Variants in TEX11 observed in about 807,000 individuals in gnomAD.
TEX11 encodes testis expressed 11, also known as testis-expressed protein 11.
Under a neutral mutation model 84.4 loss-of-function variants are expected in TEX11, and 7 were observed. The observed-to-expected ratio is 0.08, with a 90% confidence interval of 0.05 to 0.16. The LOEUF is 0.16. TEX11 is among the 10% of genes least tolerant of loss of function. The probability of loss-of-function intolerance (pLI) is 1.00; values close to 1 mark genes in which losing one functional copy is unlikely to be tolerated. For synonymous variants in TEX11, 264 were observed against 222.8 expected (o/e 1.18, Z -1.64); for missense variants, 551 against 660.5 (o/e 0.83, Z 1.82).
intron 11 of TEX11, among the ~76,000 whole-genome samples, chrX:70,733,905 A>G (rs185082795): frequency 2.7e-5 from 3 of 111,940 alleles, no homozygotes; most frequent in African/African-American, 6.5e-5. Flanking sequence ...GAACCAACCC[A>G]AATGTCCAAC....
chrX:70,777,634 A>G (rs945965120), intron 9 of TEX11, among the ~76,000 whole-genome samples: 2 of 112,011 alleles, frequency 1.8e-5, no homozygotes, highest in Non-Finnish European at 3.8e-5. Flanking sequence ...GGGCACCAAG[A>G]GCAAAACTCC....
chrX:70,817,226 CACAT>C (rs1363897808), intron 8 of TEX11, among the ~76,000 whole-genome samples: 2 of 85,956 alleles, frequency 2.3e-5, no homozygotes, highest in South Asian at 6.7e-4. Flanking sequence ...TATACACATA[CACAT>C]ACACACACAC....
chrX:70,571,464 T>C (rs1237537568), intron 25 of TEX11, among the ~76,000 whole-genome samples: 1 of 112,546 alleles, frequency 8.9e-6, no homozygotes, highest in Admixed American at 9.4e-5. Flanking sequence ...ACCCTTAATC[T>C]TTTCTAATAT....
At chrX:70,610,896 A>G (rs1317383) in intron 20 of TEX11, among the ~76,000 whole-genome samples, 47,649 of 110,821 alleles carry the variant, frequency 0.43, 8,441 homozygotes, top group East Asian at 0.6. Context: ...CTTATTTCAA[A>G]TAAAGTTGTA....
intron 4 of TEX11, among the ~76,000 whole-genome samples, chrX:70,864,513 G>T (rs777900541): frequency 3.7e-5 from 4 of 108,869 alleles, no homozygotes; most frequent in Non-Finnish European, 7.6e-5. Flanking sequence ...CGAGGTGGGC[G>T]GATCACAAGG....
chrX:70,744,798 T>C (rs2090757940), intron 9 of TEX11, among the ~76,000 whole-genome samples: 1 of 109,650 alleles, frequency 9.1e-6, no homozygotes. Context: ...GCAACCTCCA[T>C]CTCCCAAGTT....
At chrX:70,613,551 T>C (rs143610692) in intron 20 of TEX11, among the ~76,000 whole-genome samples, 85 of 112,046 alleles carry the variant, frequency 7.6e-4, no homozygotes, top group African/African-American at 2.6e-3. Flanking sequence ...CGTTGGAATC[T>C]GAATTCCAGC....
chrX:70,679,560 T>TGAGAAGTGAG (rs2090115881), intron 14 of TEX11, among the ~76,000 whole-genome samples: 1 of 107,663 alleles, frequency 9.3e-6, no homozygotes, highest in African/African-American at 3.4e-5. Context: ...CCGCCCCGTC[T>TGAGAAGTGAG]GAGAAGTGAG....
At chrX:70,534,930 C>T (rs980357478) in intron 28 of TEX11, among the ~76,000 whole-genome samples, 1 of 111,254 alleles carries the variant, frequency 9.0e-6, no homozygotes, top group Admixed American at 9.6e-5. Context: ...GCTCCATATT[C>T]CCCCTGCCCC....
At chrX:70,897,679 A>AAAAAGAAAGAAAG (rs1387220767) in intron 2 of TEX11, 3 of 75,740 alleles carry the variant, frequency 4.0e-5, no homozygotes, top group Admixed American at 1.7e-4. Context: ...CAAAGAAAGA[A>AAAAAGAAAGAAAG]AAAGAAAGAA....
chrX:70,548,999 A>AC (rs761753874), intron 28 of TEX11, among the ~76,000 whole-genome samples: 1 of 110,386 alleles, frequency 9.1e-6, no homozygotes, highest in Non-Finnish European at 1.9e-5. Context: ...TCCAAAACAG[A>AC]CCCCTTCCTT....
intron 14 of TEX11, among the ~76,000 whole-genome samples, chrX:70,680,998 A>C (rs1037014356): frequency 1.4e-4 from 16 of 113,101 alleles, no homozygotes; most frequent in Non-Finnish European, 2.8e-4. Context: ...CTTTAAGACC[A>C]TGCTTACACA....
intron 18 of TEX11, among the ~76,000 whole-genome samples, chrX:70,629,052 T>G (rs764781284): frequency 3.9e-4 from 44 of 112,333 alleles, no homozygotes; most frequent in Non-Finnish European, 6.8e-4. Context: ...AGGATGAAAT[T>G]AAGATTTGAA....
chrX:70,609,073 C>T lies in TEX11; in HGVS notation c.1879+18G>A, dbSNP rs763423920. 2 of 1,176,801 alleles carry T rather than the reference C, an allele frequency of 1.7e-6. No individual in the cohort carries two copies. On this transcript the variant is annotated intron_variant, in intron 22 of 29. Transcript: ENST00000374333. ...ACCACCCCACAATGTTTCCCAGAGC[C>T]ACAGAATTTCCTCTTACCTGTTTTT...
At chrX:70,866,900 A>G (rs914796009) in intron 4 of TEX11, among the ~76,000 whole-genome samples, 1 of 112,067 alleles carries the variant, frequency 8.9e-6, no homozygotes, top group African/African-American at 3.2e-5. Flanking sequence ...TTTATGACAA[A>G]CCCATAGCCA....
chrX:70,593,032 G>A (rs1415479990), intron 24 of TEX11, among the ~76,000 whole-genome samples: 1 of 105,757 alleles, frequency 9.5e-6, no homozygotes, highest in Non-Finnish European at 1.9e-5. Context: ...AGGCTGTGGG[G>A]CAATTTATGC....
chrX:70,621,999 A>T (rs941048404), intron 20 of TEX11, among the ~76,000 whole-genome samples: 2 of 111,311 alleles, frequency 1.8e-5, no homozygotes, highest in African/African-American at 6.5e-5. Context: ...CTTTTAAAAG[A>T]TTTAGCATAT....
intron 13 of TEX11, among the ~76,000 whole-genome samples, chrX:70,686,653 G>T (rs1385786253): frequency 1.9e-5 from 2 of 106,850 alleles, no homozygotes; most frequent in African/African-American, 6.9e-5. Flanking sequence ...ATATACCTAT[G>T]TAACAAACCT....
chrX:70,641,915 G>C (rs1353970295), intron 17 of TEX11, among the ~76,000 whole-genome samples: 3 of 111,012 alleles, frequency 2.7e-5, no homozygotes, highest in Non-Finnish European at 5.7e-5. Context: ...AAATAACTAA[G>C]ATCAGAGCAG....
Sources: gnomAD v4.1 joint callset for allele counts (sites outside exome capture counted in the v4.1 genomes callset) on GRCh38, gnomAD v4.1.1 for gene constraint, MANE v1.5 for transcripts, NCBI Gene and HGNC (gene_info 2026-07-23, HGNC 2026-07-21) for gene names.